The following BDP1 variants were observed in gnomAD, a reference collection of about 807,000 sequenced individuals.
BDP1 encodes transcription factor TFIIIB component B'' homolog.
Under a neutral mutation model 266.6 loss-of-function variants are expected in BDP1, and 169 were observed. That is an observed-to-expected ratio of 0.63 (90% confidence interval 0.56 to 0.72). BDP1 has a LOEUF of 0.72. Among genes scored for constraint, BDP1 ranks in the 30% least tolerant of loss-of-function variants. The pLI is 0.00. For missense variants in BDP1, 3,015 were observed against 3,053.8 expected, an observed-to-expected ratio of 0.99 and a Z score of 0.30; for synonymous variants, 1,090 against 1,022.4, an observed-to-expected ratio of 1.07 and a Z score of -1.26.
Position 71,566,086 on chromosome 5 carries a change from C to A in BDP1, c.*1201C>A. On this transcript the variant is annotated 3_prime_UTR_variant, in exon 39 of 39. Transcript: ENST00000358731. The stretch of plus-strand genomic sequence containing the variant: ...TTAGCTGGTGTATATGTTTTGAATA[C>A]CTTTTTCCCCTCAGTTTAGTATATT... The A allele has an allele frequency of 5.6e-6, 1 of 179,240 alleles. No homozygotes were observed. The highest frequency in any genetic ancestry group is 1.2e-5 in the Non-Finnish European group (1 of 80,888). 11.1% of individuals were successfully genotyped at this position (179,240 alleles called of 1,614,324 possible). A position where few individuals can be genotyped will look rare whatever the true frequency, so the allele number is the denominator to read the frequency against.
chr5:71,568,567 C>T (rs149560985), downstream of BDP1, among the ~76,000 whole-genome samples: 2 of 152,246 alleles, frequency 1.3e-5, no homozygotes, highest in East Asian at 1.9e-4. Flanking sequence ...CTTCTGGGTG[C>T]GAGCAATCCT....
chr5:71,562,195 C>CAA lies in BDP1; in HGVS notation c.7497-52_7497-51dup, dbSNP rs564127239. On this transcript the variant is annotated intron_variant, in intron 37 of 38. Coordinates refer to ENST00000358731, the MANE Select transcript of BDP1 (RefSeq NM_018429.3). ...CCTGGGTGAGAGTGAGACTGCGTCT[C>CAA]AAAAAAAAAAAAAAAAAAAAAAAAA... 4.7e-3 allele frequency: 2,143 copies of CAA among 458,878 alleles called. 26 individuals are homozygous for CAA. Among genetic ancestry groups the CAA allele is most frequent in the African/African-American group, 0.016 (349 of 21,986 alleles). 28.4% of individuals were successfully genotyped at this position (458,878 alleles called of 1,614,324 possible). A position where few individuals can be genotyped will look rare whatever the true frequency, so the allele number is the denominator to read the frequency against.
intron 26 of BDP1, among the ~76,000 whole-genome samples, chr5:71,532,975 T>C (rs1175154694): frequency 2.0e-5 from 3 of 152,208 alleles, no homozygotes; most frequent in Non-Finnish European, 2.9e-5. Context: ...ATAATTTGCC[T>C]TCTGTCTTTA....
In BDP1 at chr5:71,512,293, G is replaced by A. The variant is rs1764969158; in HGVS notation, c.4112G>A (p.Arg1371Lys). The stretch of plus-strand genomic sequence containing the variant: ...ATGCATACACCTGTAGAAGAAAAAA[G>A]AAATTCTGAAAAAGAAGTATCAAGT... ...SMMHTPVEEK[R>K]NSEKEVSSHF... The change falls in exon 18 of 39, where the codon AGA becomes AAA. Residue 1371 changes from arginine (R) to lysine (K), a missense_variant. Transcript: ENST00000358731. 1 of 1,591,986 alleles carries A rather than the reference G, an allele frequency of 6.3e-7. No homozygotes were observed. The highest frequency in any genetic ancestry group is 8.5e-7 in the Non-Finnish European group (1 of 1,173,672).
chr5:71,474,102 C>T (rs1198076043), intron 7 of BDP1, among the ~76,000 whole-genome samples: 1 of 151,858 alleles, frequency 6.6e-6, no homozygotes, highest in East Asian at 1.9e-4. Flanking sequence ...GCCTCAGCCT[C>T]CCGAGTAGCT....
intron 7 of BDP1, among the ~76,000 whole-genome samples, chr5:71,474,231 C>G (rs188727510): frequency 5.9e-5 from 9 of 152,152 alleles, no homozygotes; most frequent in African/African-American, 2.2e-4. Context: ...CCTCCTGCCT[C>G]AGCCTCCCAA....
rs770241600 is a variant in BDP1 at position 71,458,726 on chromosome 5, A to G, written c.360A>G (p.Thr120=). 4.3e-6 allele frequency: 7 copies of G among 1,614,164 alleles called. No individual in the cohort carries two copies. The East Asian group carries it at 8.9e-5, about 21-fold the overall frequency. Residue 120 remains threonine, a synonymous_variant, in exon 2 of 39, where the codon ACA becomes ACG. Coordinates refer to ENST00000358731, the MANE Select transcript of BDP1 (RefSeq NM_018429.3). ...SVPSESHPLS[T]INQEAPQPTA... ...CTTCAGAATCTCATCCCTTATCTAC[A>G]ATTAATCAAGAGGCTCCACAGCCAA...
At chr5:71,519,056 G>T (rs1765365817) in intron 22 of BDP1, among the ~76,000 whole-genome samples, 1 of 151,818 alleles carries the variant, frequency 6.6e-6, no homozygotes, top group Admixed American at 6.6e-5. Context: ...CTGACCTCAG[G>T]TGATCCACCC....
intron 7 of BDP1, among the ~76,000 whole-genome samples, chr5:71,480,426 G>A (rs1295787785): frequency 1.3e-5 from 2 of 151,512 alleles, no homozygotes; most frequent in African/African-American, 4.9e-5. Context: ...GAGCCACCGT[G>A]CCCAGCCTAA....
rs529741663 is a variant in BDP1, at chr5:71,565,118, T to C, written c.*233T>C. 6.0e-4 allele frequency: 268 copies of C among 443,662 alleles called. No homozygotes were observed. Among genetic ancestry groups the C allele is most frequent in the Non-Finnish European group, 1.0e-3 (254 of 251,190 alleles). 27.5% of individuals were successfully genotyped at this position (443,662 alleles called of 1,614,324 possible). Reference sequence around the variant, plus strand: ...AAATAGCAAGCAATTAAGACTGCTTTCTCAGACAGAAATAACAACTCTTGT... The same window carrying C: ...AAATAGCAAGCAATTAAGACTGCTTCCTCAGACAGAAATAACAACTCTTGT... On this transcript the variant is annotated 3_prime_UTR_variant, in exon 39 of 39. Coordinates refer to ENST00000358731, the MANE Select transcript of BDP1 (RefSeq NM_018429.3).
In BDP1 at chr5:71,510,681, G is replaced by A; in HGVS notation, c.3589G>A (p.Glu1197Lys). 1 of 1,613,528 alleles carries A rather than the reference G, an allele frequency of 6.2e-7. No homozygotes were observed. Among genetic ancestry groups the A allele is most frequent in the Non-Finnish European group, 8.5e-7 (1 of 1,179,850 alleles). ...REVIDAAEVI[E>K]TDLEETEREI... ...GGTGATTGATGCTGCTGAGGTAATAGAGACAGATTTGGAAGAAACTGAAAG... is the reference window on the plus strand; with the variant it reads ...GGTGATTGATGCTGCTGAGGTAATAAAGACAGATTTGGAAGAAACTGAAAG... Residue 1197 changes from glutamate (E) to lysine (K), a missense_variant, in exon 17 of 39, where the codon GAG (glutamate) becomes AAG (lysine). Coordinates refer to ENST00000358731, the MANE Select transcript of BDP1 (RefSeq NM_018429.3).
chr5:71,495,423 C>T lies in BDP1; in HGVS notation c.1799+15C>T, dbSNP rs367594622. The T allele has an allele frequency of 2.3e-5, 35 of 1,510,310 alleles. No individual in the cohort carries two copies. The African/African-American group carries it at 2.8e-4, about 12-fold the overall frequency. The allele number at this position is 1,510,310 out of a possible 1,614,324, so 93.6% of individuals were successfully genotyped here. ...AATAATTCACTGTAAGTATTTTATA[C>T]GATAGGATTTATTTATAAAATTTTG... On this transcript the variant is annotated intron_variant, in intron 12 of 38. Transcript: ENST00000358731.
chr5:71,459,113 G>A (rs557773949), intron 2 of BDP1, among the ~76,000 whole-genome samples: 6 of 152,164 alleles, frequency 3.9e-5, no homozygotes, highest in African/African-American at 1.2e-4. Context: ...AGTTTCATAC[G>A]CATACACATA....
At chr5:71,478,853 C>A (rs1762759322) in intron 7 of BDP1, among the ~76,000 whole-genome samples, 1 of 152,136 alleles carries the variant, frequency 6.6e-6, no homozygotes, top group African/African-American at 2.4e-5. Flanking sequence ...CTACAGGTTA[C>A]CAAAGCTCTG....
At chr5:71,520,274 T>C (rs1765430750) in intron 22 of BDP1, among the ~76,000 whole-genome samples, 1 of 152,230 alleles carries the variant, frequency 6.6e-6, no homozygotes, top group African/African-American at 2.4e-5. Context: ...CTTTGTTGAT[T>C]GTTCCCTGTG....
chr5:71,536,093 C>T (rs543152219), intron 26 of BDP1, among the ~76,000 whole-genome samples: 14 of 152,188 alleles, frequency 9.2e-5, no homozygotes, highest in South Asian at 2.1e-4. Flanking sequence ...TTAATAGAAG[C>T]GAGAGTGGGC....
chr5:71,458,725 C>T lies in BDP1; in HGVS notation c.359C>T (p.Thr120Ile). Residue 120 changes from threonine (T) to isoleucine (I), a missense_variant, in exon 2 of 39, where the codon ACA becomes ATA. Physicochemically the swap from Thr to Ile is moderately conservative, Grantham distance 89. Around this residue, in one of 3 missense-constraint regions of BDP1, gnomAD observed 2,383 missense variants for 2,404.9 expected, o/e 0.99. Transcript: ENST00000358731. ...CCTTCAGAATCTCATCCCTTATCTACAATTAATCAAGAGGCTCCACAGCCA... is the reference window on the plus strand; with the variant it reads ...CCTTCAGAATCTCATCCCTTATCTATAATTAATCAAGAGGCTCCACAGCCA... ...SVPSESHPLSTINQEAPQPTA... is the reference protein window; with the variant it reads ...SVPSESHPLSIINQEAPQPTA... The T allele has an allele frequency of 6.2e-7, 1 of 1,614,086 alleles. No individual in the cohort carries two copies. The highest frequency in any genetic ancestry group is 8.5e-7 in the Non-Finnish European group (1 of 1,180,008).
At chr5:71,537,461 G>A (rs1394794544) in intron 26 of BDP1, among the ~76,000 whole-genome samples, 1 of 152,302 alleles carries the variant, frequency 6.6e-6, no homozygotes, top group East Asian at 1.9e-4. Context: ...ACTTGCATTT[G>A]TGAAATAGTT....
chr5:71,543,526 A>T (rs1354528410), intron 30 of BDP1, among the ~76,000 whole-genome samples: 1 of 152,204 alleles, frequency 6.6e-6, no homozygotes, highest in Non-Finnish European at 1.5e-5. Flanking sequence ...AGGCTGTCGT[A>T]AATTGTGATA....
Sources: allele counts gnomAD v4.1 joint callset (sites outside exome capture counted in the v4.1 genomes callset), GRCh38; gene constraint gnomAD v4.1.1; regional missense constraint gnomAD v4.1.1; transcripts MANE v1.5; gene names NCBI Gene and HGNC (gene_info 2026-07-23, HGNC 2026-07-21).